Variants in TCN2 observed in about 807,000 individuals in gnomAD.
TCN2 encodes transcobalamin-2.
TCN2 carries 34 observed loss-of-function variants against 48.6 expected under a neutral mutation model. The ratio of observed to expected loss-of-function variants is 0.70; its 90% confidence interval spans 0.53 to 0.93. TCN2 has a LOEUF of 0.93. Among genes scored for constraint, TCN2 ranks in the 40% least tolerant of loss-of-function variants. The pLI, the probability that TCN2 is intolerant of heterozygous loss-of-function variation, is 0.00. For synonymous variants in TCN2, 283 were observed against 212.5 expected (o/e 1.33, Z -2.89); for missense variants, 652 against 526.1 (o/e 1.24, Z -2.34).
At position 30,612,947 on chromosome 22, in the gene TCN2, C is replaced by G; in HGVS notation, c.332C>G (p.Ala111Gly). The G allele has an allele frequency of 6.2e-7, 1 of 1,614,212 alleles. No homozygotes were observed. The highest frequency in any genetic ancestry group is 8.5e-7 in the Non-Finnish European group (1 of 1,180,048). ...SMGQLALYLLALRANCEFVRG... is the reference protein window; with the variant it reads ...SMGQLALYLLGLRANCEFVRG... ...GGCCAGCTGGCCCTCTACCTGCTCG[C>G]TCTCAGAGCCAACTGTGAGTTTGTC... Residue 111 changes from alanine to glycine, a missense_variant, in exon 3 of 9, where the codon GCT (alanine) becomes GGT (glycine). Ala to Gly is a moderately conservative substitution (Grantham distance 60). Transcript: ENST00000215838.
intron 2 of TCN2, among the ~76,000 whole-genome samples, chr22:30,611,451 T>C (rs760957361): frequency 2.6e-5 from 4 of 152,200 alleles, no homozygotes; most frequent in Admixed American, 6.5e-5. Context: ...TATGCTCCCC[T>C]CCCATGCATG....
chr22:30,620,225 G>A (rs778369469), intron 7 of TCN2, among the ~76,000 whole-genome samples: 16 of 152,124 alleles, frequency 1.1e-4, no homozygotes, highest in Non-Finnish European at 2.1e-4. Context: ...GCCAAGGTGG[G>A]CAGATTACTT....
At chr22:30,625,927 G>GCCAGGTGTCA (rs1232492311) in intron 8 of TCN2, among the ~76,000 whole-genome samples, 1 of 152,136 alleles carries the variant, frequency 6.6e-6, no homozygotes, top group Non-Finnish European at 1.5e-5. Flanking sequence ...TCCATTGAAA[G>GCCAGGTGTCA]GAAACATTTC....
chr22:30,615,638 G>C lies in TCN2; in HGVS notation c.791G>C (p.Gly264Ala). ...MTSPMRGAELGTACLKARVAL... is the reference protein window; with the variant it reads ...MTSPMRGAELATACLKARVAL... ...TCCCCCATGCGTGGGGCAGAACTGG[G>C]AACAGCATGTCTCAAGGCGAGGGTT... is the stretch of plus-strand genomic sequence containing the variant. Residue 264 changes from glycine to alanine, a missense_variant, in exon 6 of 9, where the codon GGA (glycine) becomes GCA (alanine). Physicochemically the swap from Gly to Ala is moderately conservative, Grantham distance 60 (BLOSUM62 0). Coordinates refer to ENST00000215838, the MANE Select transcript of TCN2 (RefSeq NM_000355.4). The C allele has an allele frequency of 6.2e-7, 1 of 1,614,108 alleles. No homozygotes were observed. Among genetic ancestry groups the C allele is most frequent in the Non-Finnish European group, 8.5e-7 (1 of 1,180,014 alleles).
intron 2 of TCN2, 38 bp downstream of exon 2, chr22:30,611,101 A>G (rs776343974): frequency 6.8e-6 from 11 of 1,613,078 alleles, no homozygotes; most frequent in Admixed American, 1.7e-5. Context: ...CTTGCTCCAC[A>G]TACTAAGAGA....
intron 7 of TCN2, among the ~76,000 whole-genome samples, chr22:30,618,753 C>G (rs748173483): frequency 6.6e-6 from 1 of 152,146 alleles, no homozygotes; most frequent in Non-Finnish European, 1.5e-5. Flanking sequence ...ACAGGGACTA[C>G]AGGCATGCAC....
At chr22:30,623,857 C>CGTAT (rs1602056787) in intron 8 of TCN2, among the ~76,000 whole-genome samples, 1 of 24,090 alleles carries the variant, frequency 4.2e-5, no homozygotes, top group Non-Finnish European at 7.3e-5. Flanking sequence ...CATACACATA[C>CGTAT]ATACACACAT....
At chr22:30,608,357 T>C (rs1194937723) in intron 1 of TCN2, among the ~76,000 whole-genome samples, 3 of 152,156 alleles carry the variant, frequency 2.0e-5, no homozygotes, top group Non-Finnish European at 2.9e-5. Flanking sequence ...TTTGCTGAAC[T>C]TAGTTTTTAG....
intron 2 of TCN2, among the ~76,000 whole-genome samples, chr22:30,611,948 A>G (rs1291063828): frequency 6.8e-6 from 1 of 147,996 alleles, no homozygotes; most frequent in Non-Finnish European, 1.5e-5. Context: ...GGGTGGAGAG[A>G]AAAGAAGACT....
At chr22:30,610,369 T>TA (rs1316989831) in intron 1 of TCN2, 1 of 458,314 alleles carries the variant, frequency 2.2e-6, no homozygotes. Context: ...GATGTTTTTG[T>TA]AAACGGGTAG....
In TCN2 at chr22:30,616,680, A is replaced by G. The variant is rs115316767; in HGVS notation, c.941-650A>G. Among the ~76,000 whole-genome samples the G allele has an allele frequency of 4.7e-3, 721 of 151,866 alleles. 6 individuals carry two copies. The highest frequency in any genetic ancestry group is 0.016 in the African/African-American group (664 of 41,382). The stretch of plus-strand genomic sequence containing the variant: ...GCCAGGCATGGTGGTAGACACCTAT[A>G]ATCCCAGCTACTAGGGAGGCTGAGC... On this transcript the variant is annotated intron_variant, in intron 6 of 8. Coordinates refer to ENST00000215838, the MANE Select transcript of TCN2 (RefSeq NM_000355.4).
rs533010138 is a variant in TCN2, at chr22:30,610,186, G to A, written c.65-685G>A. The A allele has an allele frequency of 1.6e-3, 747 of 470,462 alleles. 2 individuals are homozygous for A. Among genetic ancestry groups the A allele is most frequent in the Non-Finnish European group, 5.2e-4 (117 of 226,858 alleles). 29.1% of individuals were successfully genotyped at this position (470,462 alleles called of 1,614,324 possible). A position where few individuals can be genotyped will look rare whatever the true frequency, so the allele number is the denominator to read the frequency against. ...AGGTAAACGGCTGCAAGCTGTGACTGTTTTCTAAGAGCTCATCTCACAATC... is the reference window on the plus strand; with the variant it reads ...AGGTAAACGGCTGCAAGCTGTGACTATTTTCTAAGAGCTCATCTCACAATC... On this transcript the variant is annotated intron_variant, in intron 1 of 8. Coordinates refer to ENST00000215838, the MANE Select transcript of TCN2 (RefSeq NM_000355.4).
At chr22:30,621,945 T>A (rs539134311) in intron 7 of TCN2, among the ~76,000 whole-genome samples, 2 of 152,372 alleles carry the variant, frequency 1.3e-5, no homozygotes, top group South Asian at 2.1e-4. Context: ...CTGATCATGC[T>A]GCTTTCTCCT....
chr22:30,615,708 C>G lies in TCN2; in HGVS notation c.861C>G (p.Leu287=), dbSNP rs754444991. 3 of 1,614,132 alleles carry G rather than the reference C, an allele frequency of 1.9e-6. No individual in the cohort carries two copies. In the African/African-American group the frequency reaches 4.0e-5, roughly 22 times the overall value. ...AGGATGGAGCCTTCCAGAATGCTCT[C>G]ATGATTTCCCAGCTGCTGCCCGTTC... ...SLQDGAFQNA[L]MISQLLPVLN... Residue 287 remains leucine, a synonymous_variant, in exon 6 of 9, where the codon CTC becomes CTG. Transcript: ENST00000215838.
At position 30,617,509 on chromosome 22, in the gene TCN2, C is replaced by T. The variant is rs1302547570; in HGVS notation, c.1106+14C>T. ...AGGAGGATTCACGTGAGACTCCCAC[C>T]TCCCAGTCCTCACCCCACCCAACCT... On this transcript the variant is annotated intron_variant, in intron 7 of 8. Transcript: ENST00000215838. 2.2e-5 allele frequency: 35 copies of T among 1,613,936 alleles called. No homozygotes were observed. Among genetic ancestry groups the T allele is most frequent in the African/African-American group, 4.0e-5 (3 of 74,920 alleles).
At chr22:30,614,122 G>T (rs1358387518) in intron 3 of TCN2, among the ~76,000 whole-genome samples, 1 of 152,178 alleles carries the variant, frequency 6.6e-6, no homozygotes, top group Non-Finnish European at 1.5e-5. Flanking sequence ...TGTGGTTGAG[G>T]CCCGAACTGC....
intron 7 of TCN2, among the ~76,000 whole-genome samples, chr22:30,622,614 C>A (rs191575583): frequency 6.6e-6 from 1 of 152,304 alleles, no homozygotes; most frequent in African/African-American, 2.4e-5. Context: ...TCTCGTTGTA[C>A]ATTGTACACA....
intron 7 of TCN2, among the ~76,000 whole-genome samples, chr22:30,620,192 C>T (rs2087677853): frequency 6.6e-6 from 1 of 151,812 alleles, no homozygotes; most frequent in Non-Finnish European, 1.5e-5. Context: ...TGGCTAACAC[C>T]TGTAATCCCA....
chr22:30,611,847 CAG>C (rs2087546655), intron 2 of TCN2, among the ~76,000 whole-genome samples: 1 of 152,202 alleles, frequency 6.6e-6, no homozygotes, highest in African/African-American at 2.4e-5. Flanking sequence ...AGAGGCATCA[CAG>C]AGAGGCCTGT....
Sources: gnomAD v4.1 joint callset for allele counts (sites outside exome capture counted in the v4.1 genomes callset) on GRCh38, gnomAD v4.1.1 for gene constraint, MANE v1.5 for transcripts, NCBI Gene and HGNC (gene_info 2026-07-23, HGNC 2026-07-21) for gene names.